DISP1: variants seen among roughly 807,000 people sequenced by gnomAD.
The protein encoded by DISP1 is dispatched RND transporter family member 1.
Under a neutral mutation model 37.3 loss-of-function variants are expected in DISP1, and 30 were observed. The observed-to-expected ratio is 0.80, with a 90% CI of 0.60 to 1.09. The LOEUF is 1.09. Among genes scored for constraint, DISP1 ranks in the 50% least tolerant of loss-of-function variants. The pLI, the probability that DISP1 is intolerant of heterozygous loss-of-function variation, is 0.00. For synonymous variants in DISP1, 634 were observed against 690.2 expected (o/e 0.92, Z 1.28); for missense variants, 1,598 against 1,879.5 (o/e 0.85, Z 2.77).
intron 1 of DISP1, among the ~76,000 whole-genome samples, chr1:222,903,002 G>A (rs1337511241): frequency 7.2e-5 from 11 of 151,882 alleles, no homozygotes; most frequent in East Asian, 1.9e-4. Context: ...ACACGCACAC[G>A]TATGTTTGTT....
chr1:222,997,825 G>T (rs1384433141), intron 8 of DISP1, among the ~76,000 whole-genome samples: 1 of 152,090 alleles, frequency 6.6e-6, no homozygotes, highest in Non-Finnish European at 1.5e-5. Context: ...GAGCAGTATT[G>T]CGGTGCTCTT....
At chr1:222,862,522 ATAG>A (rs1668937016) in intron 1 of DISP1, among the ~76,000 whole-genome samples, 2 of 112,208 alleles carry the variant, frequency 1.8e-5, no homozygotes, top group South Asian at 6.4e-4. Flanking sequence ...CATTGTCTCA[ATAG>A]TTTTTTTTTT....
chr1:222,891,701 G>A (rs1318841795), intron 1 of DISP1, among the ~76,000 whole-genome samples: 1 of 149,822 alleles, frequency 6.7e-6, no homozygotes, highest in Non-Finnish European at 1.5e-5. Context: ...AATGCTACAT[G>A]AAGGTAAAGT....
intron 1 of DISP1, among the ~76,000 whole-genome samples, chr1:222,826,068 A>T (rs763649196): frequency 1.3e-5 from 2 of 152,036 alleles, no homozygotes; most frequent in Non-Finnish European, 2.9e-5. Context: ...TGCATGGCTA[A>T]TTTAAAAATT....
intron 1 of DISP1, among the ~76,000 whole-genome samples, chr1:222,915,700 G>A (rs1039256998): frequency 6.6e-6 from 1 of 152,174 alleles, no homozygotes; most frequent in Non-Finnish European, 1.5e-5. Context: ...CATGGTCGGT[G>A]ACAGATCTTT....
chr1:222,917,616 C>A (rs980494997), intron 1 of DISP1, among the ~76,000 whole-genome samples: 7 of 152,064 alleles, frequency 4.6e-5, no homozygotes, highest in Admixed American at 1.3e-4. Flanking sequence ...TTTCAAAATT[C>A]GAGAGAATTT....
intron 1 of DISP1, among the ~76,000 whole-genome samples, chr1:222,882,582 T>C (rs1260184678): frequency 6.6e-6 from 1 of 152,210 alleles, no homozygotes; most frequent in African/African-American, 2.4e-5. Context: ...TCTTTGTAAC[T>C]TTATGAATAA....
In DISP1 at chr1:223,004,554, G is replaced by C. The variant is rs773636648; in HGVS notation, c.3157G>C (p.Ala1053Pro). Residue 1053 changes from alanine to proline, a missense_variant, in exon 9 of 9, where the codon GCC (alanine) becomes CCC (proline). Physicochemically the swap from Ala to Pro is conservative, Grantham distance 27 (BLOSUM62 -1). Transcript: ENST00000675850. The surrounding 1 kb of genome is among the most constrained non-coding windows in gnomAD (Gnocchi z 4.9). The part of the protein sequence containing the change: ...SVAVGLSVDF[A>P]VHYGVAYRLA... ...TGCCGTCGGCTTGTCTGTAGACTTT[G>C]CCGTCCATTATGGGGTTGCCTACCG... 6.2e-7 allele frequency: 1 copy of C among 1,614,156 alleles called. No individual in the cohort carries two copies. Among genetic ancestry groups the C allele is most frequent in the Non-Finnish European group, 8.5e-7 (1 of 1,180,030 alleles).
At chr1:222,836,445 G>T (rs1435660644) in intron 1 of DISP1, among the ~76,000 whole-genome samples, 2 of 152,116 alleles carry the variant, frequency 1.3e-5, no homozygotes, top group Non-Finnish European at 2.9e-5. Flanking sequence ...CTATAATTAT[G>T]ACAGACAAAC....
At chr1:222,817,664 A>T (rs889100046) in intron 1 of DISP1, among the ~76,000 whole-genome samples, 3 of 152,214 alleles carry the variant, frequency 2.0e-5, no homozygotes, top group African/African-American at 7.2e-5. Context: ...GTTGACTCAC[A>T]CAGGGTTGAC....
At chr1:222,982,425 G>A (rs902425451) in intron 3 of DISP1, among the ~76,000 whole-genome samples, 1 of 152,122 alleles carries the variant, frequency 6.6e-6, no homozygotes, top group African/African-American at 2.4e-5. Flanking sequence ...AATCTGATAG[G>A]AATACAAAGT....
chr1:222,928,335 A>AG (rs1673197863), intron 1 of DISP1, 95 bp from the exon 2 acceptor site: 2 of 152,320 alleles, frequency 1.3e-5, no homozygotes, highest in Admixed American at 1.3e-4. Flanking sequence ...GTTAAGTAGG[A>AG]GAAAAACTCT....
At chr1:222,973,643 G>T (rs1452601166) in intron 3 of DISP1, among the ~76,000 whole-genome samples, 1 of 152,176 alleles carries the variant, frequency 6.6e-6, no homozygotes, top group Non-Finnish European at 1.5e-5. Context: ...GATTAAGGTT[G>T]CTCTCACTTA....
Position 223,005,310 on chromosome 1 carries a change from T to C in DISP1, c.3913T>C (p.Phe1305Leu), listed in dbSNP as rs201104916. ...CHQCSPTTSS[F>L]VQIQNGVAPL... is the part of the protein sequence containing the mutation. ...CCAGTGCTCTCCTACCACTAGCAGC[T>C]TTGTCCAGATCCAAAACGGCGTGGC... Residue 1305 changes from phenylalanine (F) to leucine (L), a missense_variant, in exon 9 of 9, where the codon TTT (phenylalanine) becomes CTT (leucine). Coordinates refer to ENST00000675850, the MANE Select transcript of DISP1 (RefSeq NM_001377229.1). The C allele has an allele frequency of 2.5e-6, 4 of 1,613,664 alleles. No individual in the cohort carries two copies. The Admixed American group carries it at 6.7e-5, about 27-fold the overall frequency.
intron 3 of DISP1, among the ~76,000 whole-genome samples, chr1:222,960,744 GA>G (rs1675994176): frequency 6.6e-6 from 1 of 151,116 alleles, no homozygotes; most frequent in African/African-American, 2.4e-5. Context: ...AGAAAAGAGA[GA>G]AGAATCAAAT....
chr1:222,876,878 A>T (rs1475883133), intron 1 of DISP1, among the ~76,000 whole-genome samples: 1 of 152,204 alleles, frequency 6.6e-6, no homozygotes, highest in Non-Finnish European at 1.5e-5. Flanking sequence ...TAAAGAGAAA[A>T]AAAAGCAAAT....
At chr1:222,995,186 C>T (rs544702164) in intron 8 of DISP1, among the ~76,000 whole-genome samples, 184 of 152,248 alleles carry the variant, frequency 1.2e-3, no homozygotes, top group African/African-American at 4.2e-3. Context: ...TAAAACATAC[C>T]ATCTTCCTTT....
At chr1:222,974,978 A>G (rs962184236) in intron 3 of DISP1, among the ~76,000 whole-genome samples, 1 of 152,210 alleles carries the variant, frequency 6.6e-6, no homozygotes, top group African/African-American at 2.4e-5. Flanking sequence ...GAAAGACAGT[A>G]TGATACAATC....
chr1:222,976,200 A>G (rs1677316555), intron 3 of DISP1, among the ~76,000 whole-genome samples: 1 of 152,042 alleles, frequency 6.6e-6, no homozygotes, highest in South Asian at 2.1e-4. Flanking sequence ...GTAAAAATAA[A>G]AATTTGTTTA....
Sources: gnomAD v4.1 joint callset for allele counts (sites outside exome capture counted in the v4.1 genomes callset) on GRCh38, gnomAD v4.1.1 for gene constraint, Gnocchi (gnomAD v3.1) non-coding constraint, MANE v1.5 for transcripts, NCBI Gene and HGNC (gene_info 2026-07-23, HGNC 2026-07-21) for gene names.